CNOT2: variants seen among roughly 807,000 people sequenced by gnomAD.
CNOT2 encodes CC chemokine receptor 4-negative regulator of transcription 2.
Under a neutral mutation model 72.1 loss-of-function variants are expected in CNOT2, and 7 were observed. The observed-to-expected ratio is 0.10, with a 90% CI of 0.06 to 0.18. CNOT2 has a LOEUF of 0.18. Ranked by LOEUF, CNOT2 falls within the 10% of genes least tolerant of loss-of-function variation. CNOT2 has a pLI of 1.00. For synonymous variants in CNOT2, 196 were observed against 225.6 expected (o/e 0.87, Z 1.17); for missense variants, 345 against 660.3 (o/e 0.52, Z 5.23).
At chr12:70,274,208 C>G (rs1378709337) in intron 1 of CNOT2, among the ~76,000 whole-genome samples, 1 of 152,006 alleles carries the variant, frequency 6.6e-6, no homozygotes, top group Non-Finnish European at 1.5e-5. Flanking sequence ...TCCATGTGAT[C>G]AAGCAAAAAA....
chr12:70,258,624 A>C (rs1182833109), intron 1 of CNOT2, among the ~76,000 whole-genome samples: 1 of 152,250 alleles, frequency 6.6e-6, no homozygotes, highest in Non-Finnish European at 1.5e-5. Flanking sequence ...AGCAGTGTAC[A>C]AAATAAAATC....
intron 2 of CNOT2, among the ~76,000 whole-genome samples, chr12:70,293,914 CTTTTTTTTTTTTTTT>C (rs34038348): frequency 2.8e-5 from 2 of 71,314 alleles, no homozygotes; most frequent in African/African-American, 1.1e-4. Flanking sequence ...GTGAGCACTG[CTTTTTTTTTTTTTTT>C]TTTTTTTTTT....
intron 2 of CNOT2, among the ~76,000 whole-genome samples, chr12:70,307,333 C>T (rs1489897255): frequency 6.6e-6 from 1 of 152,024 alleles, no homozygotes; most frequent in African/African-American, 2.4e-5. Context: ...ATATTTTCTT[C>T]CCTTATATTC....
intron 14 of CNOT2, chr12:70,345,856 C>T (rs1882097182): frequency 5.4e-6 from 1 of 183,716 alleles, no homozygotes; most frequent in Non-Finnish European, 1.1e-5. Context: ...GTTTTTGCAA[C>T]ACATTGTGTC....
At chr12:70,251,702 T>C (rs953956173) in intron 1 of CNOT2, among the ~76,000 whole-genome samples, 1 of 152,240 alleles carries the variant, frequency 6.6e-6, no homozygotes, top group African/African-American at 2.4e-5. Flanking sequence ...TTGAGTACTT[T>C]GCATTCATAT....
intron 2 of CNOT2, among the ~76,000 whole-genome samples, chr12:70,282,065 C>G (rs1286430545): frequency 6.6e-6 from 1 of 152,108 alleles, no homozygotes; most frequent in Non-Finnish European, 1.5e-5. Context: ...CTGCCAATAC[C>G]TAGCTTGGTG....
At chr12:70,272,373 CAAG>C in intron 1 of CNOT2, among the ~76,000 whole-genome samples, 1 of 152,154 alleles carries the variant, frequency 6.6e-6, no homozygotes, top group Non-Finnish European at 1.5e-5. Context: ...ATGTTAACGT[CAAG>C]AAGCAGTTTG....
chr12:70,304,611 C>A (rs937610915), intron 2 of CNOT2, among the ~76,000 whole-genome samples: 1 of 152,188 alleles, frequency 6.6e-6, no homozygotes, highest in African/African-American at 2.4e-5. Flanking sequence ...TCCGCCCCTA[C>A]TGGGGGGTCA....
At chr12:70,256,448 T>C (rs532085579) in intron 1 of CNOT2, among the ~76,000 whole-genome samples, 1 of 152,202 alleles carries the variant, frequency 6.6e-6, no homozygotes, top group Non-Finnish European at 1.5e-5. Flanking sequence ...CTTACCTATT[T>C]TGTAATTTTG....
intron 1 of CNOT2, among the ~76,000 whole-genome samples, chr12:70,269,854 T>C (rs1452889642): frequency 1.3e-5 from 2 of 152,212 alleles, no homozygotes; most frequent in African/African-American, 4.8e-5. Flanking sequence ...TTAAGAATTC[T>C]GTCTTTTCCA....
At chr12:70,310,188 A>G (rs1876212704) in intron 2 of CNOT2, among the ~76,000 whole-genome samples, 1 of 152,048 alleles carries the variant, frequency 6.6e-6, no homozygotes, top group African/African-American at 2.4e-5. Context: ...TTTTTAATCC[A>G]TGAGGGGAGA....
chr12:70,277,184 T>C (rs924418633), intron 1 of CNOT2, among the ~76,000 whole-genome samples: 5 of 152,082 alleles, frequency 3.3e-5, no homozygotes, highest in Non-Finnish European at 7.4e-5. Context: ...TAGGTATGCA[T>C]ACTACTTCCT....
intron 15 of CNOT2, among the ~76,000 whole-genome samples, chr12:70,348,756 A>G (rs1233301180): frequency 6.6e-6 from 1 of 152,110 alleles, no homozygotes; most frequent in South Asian, 2.1e-4. Flanking sequence ...ACATTAATGT[A>G]GGACTCCTTT....
At chr12:70,333,543 TAGG>T (rs1438371165) in intron 7 of CNOT2, among the ~76,000 whole-genome samples, 1 of 151,834 alleles carries the variant, frequency 6.6e-6, no homozygotes, top group Non-Finnish European at 1.5e-5. Context: ...GTTATGATCA[TAGG>T]AGCAAAAATG....
chr12:70,245,057 A>T (rs1269070212), intron 1 of CNOT2, among the ~76,000 whole-genome samples: 3 of 152,218 alleles, frequency 2.0e-5, no homozygotes, highest in Non-Finnish European at 2.9e-5. Flanking sequence ...TCAATGAATA[A>T]ATCTCACAAT....
chr12:70,332,247 G>C (rs1207199684), intron 6 of CNOT2, among the ~76,000 whole-genome samples: 1 of 151,772 alleles, frequency 6.6e-6, no homozygotes, highest in African/African-American at 2.4e-5. Flanking sequence ...AAGACACAGA[G>C]AGGAGTTTAA....
intron 1 of CNOT2, among the ~76,000 whole-genome samples, chr12:70,258,716 G>T (rs1958579480): frequency 6.6e-6 from 1 of 152,222 alleles, no homozygotes; most frequent in South Asian, 2.1e-4. Flanking sequence ...GTGTGTATGA[G>T]GTGCAGATTT....
intron 1 of CNOT2, among the ~76,000 whole-genome samples, chr12:70,271,794 A>C (rs1959270615): frequency 6.6e-6 from 1 of 152,226 alleles, no homozygotes; most frequent in African/African-American, 2.4e-5. Context: ...GCTATTAAAA[A>C]ATTAGAAAGT....
In CNOT2 at chr12:70,338,465, C is replaced by T. The variant is rs2136053587; in HGVS notation, c.923C>T (p.Thr308Ile). Residue 308 changes from threonine (T) to isoleucine (I), a missense_variant, in exon 10 of 16, where the codon ACA becomes ATA. Physicochemically the swap from Thr to Ile is moderately conservative, Grantham distance 89. Coordinates refer to ENST00000229195, the MANE Select transcript of CNOT2 (RefSeq NM_014515.7). The part of the protein sequence containing the change: ...SKSNLNTSGK[T>I]TSSTDGPKFP... ...TAGAATTTGAATACATCTGGCAAGACAACTTCAAGTACAGATGGACCCAAA... is the reference window on the plus strand; with the variant it reads ...TAGAATTTGAATACATCTGGCAAGATAACTTCAAGTACAGATGGACCCAAA... The T allele has an allele frequency of 1.9e-6, 3 of 1,609,066 alleles. No individual in the cohort carries two copies. The East Asian group carries it at 6.7e-5, about 36-fold the overall frequency.
Sources: allele counts gnomAD v4.1 joint callset (sites outside exome capture counted in the v4.1 genomes callset), GRCh38; gene constraint gnomAD v4.1.1; transcripts MANE v1.5; gene names NCBI Gene and HGNC (gene_info 2026-07-23, HGNC 2026-07-21).